Variants in CHD6 observed in about 807,000 individuals in gnomAD.
The protein encoded by CHD6 is chromodomain helicase DNA binding protein 6.
CHD6 carries 50 observed loss-of-function variants against 276.9 expected under a neutral mutation model. The observed-to-expected ratio is 0.18, with a 90% CI of 0.14 to 0.23. CHD6 has a LOEUF of 0.23. CHD6 is among the 10% of genes least tolerant of loss of function. CHD6 has a pLI of 1.00. For missense variants in CHD6, 2,564 were observed against 3,365.8 expected, an observed-to-expected ratio of 0.76 and a Z score of 5.89; for synonymous variants, 1,173 against 1,229.3, an observed-to-expected ratio of 0.95 and a Z score of 0.96.
intron 8 of CHD6, among the ~76,000 whole-genome samples, chr20:41,495,858 T>A (rs1294338815): frequency 1.3e-5 from 2 of 152,262 alleles, no homozygotes; most frequent in East Asian, 3.8e-4. Context: ...TGCTTTTTCC[T>A]ATGATACTGA....
chr20:41,586,476 C>G (rs1010331230), intron 1 of CHD6, among the ~76,000 whole-genome samples: 7 of 152,198 alleles, frequency 4.6e-5, no homozygotes, highest in African/African-American at 1.7e-4. Context: ...TCTAACAGAG[C>G]TATAGAACTC....
intron 2 of CHD6, among the ~76,000 whole-genome samples, chr20:41,537,746 G>A (rs184693751): frequency 3.6e-4 from 55 of 152,250 alleles, no homozygotes; most frequent in Non-Finnish European, 2.9e-4. Context: ...TTTTGGCAAG[G>A]ATACAGAGGA....
chr20:41,514,435 AT>A (rs1453207358), intron 4 of CHD6, among the ~76,000 whole-genome samples: 2 of 152,134 alleles, frequency 1.3e-5, no homozygotes, highest in African/African-American at 4.8e-5. Context: ...AGCATCTGGG[AT>A]TATGAAAATA....
chr20:41,422,021 A>C lies in CHD6; in HGVS notation c.4614T>G (p.Thr1538=), dbSNP rs944945843. The C allele has an allele frequency of 2.5e-6, 4 of 1,614,052 alleles. No homozygotes were observed. The African/African-American group carries it at 5.3e-5, about 22-fold the overall frequency. Residue 1538 remains threonine (T), a synonymous_variant, in exon 31 of 37, where the codon ACT becomes ACG. Transcript: ENST00000373233. The part of the protein sequence containing the change: ...EPITEERAAR[T]LYRIELLRKV... Reference sequence around the variant, plus strand: ...TCCGTAACAGTTCAATGCGGTACAGAGTTCTTGCAGCACGTTCCTCAGTGA... The same window carrying C: ...TCCGTAACAGTTCAATGCGGTACAGCGTTCTTGCAGCACGTTCCTCAGTGA...
intron 1 of CHD6, among the ~76,000 whole-genome samples, chr20:41,595,298 G>C (rs549664730): frequency 1.3e-5 from 2 of 152,308 alleles, no homozygotes; most frequent in South Asian, 4.1e-4. Flanking sequence ...GAAAGTGTGT[G>C]AATGAGATGC....
chr20:41,602,042 T>G lies in CHD6; in HGVS notation c.-24+16298A>C, dbSNP rs186389004. ...AACAAAGCAAAGCTACACTGCATTC[T>G]TTAGTCCCTCTCCTCTTCCACTTTC... On this transcript the variant is annotated intron_variant, in intron 1 of 36. Coordinates refer to ENST00000373233, the MANE Select transcript of CHD6 (RefSeq NM_032221.5). 4.0e-4 allele frequency among the ~76,000 whole-genome samples: 61 copies of G among 152,338 alleles called. No individual in the cohort carries two copies. The East Asian group carries it at 0.012, about 29-fold the overall frequency.
intron 16 of CHD6, among the ~76,000 whole-genome samples, chr20:41,476,905 C>A (rs571193050): frequency 6.6e-6 from 1 of 151,834 alleles, no homozygotes; most frequent in Non-Finnish European, 1.5e-5. Context: ...TATACATACA[C>A]ACACATTTTT....
intron 3 of CHD6, among the ~76,000 whole-genome samples, chr20:41,520,759 A>C (rs1193110735): frequency 6.6e-6 from 1 of 152,088 alleles, no homozygotes; most frequent in East Asian, 1.9e-4. Flanking sequence ...AACATGGCAC[A>C]TGTATACATA....
chr20:41,480,815 A>ATT (rs2043278096), intron 16 of CHD6, among the ~76,000 whole-genome samples: 2 of 152,318 alleles, frequency 1.3e-5, no homozygotes, highest in South Asian at 4.1e-4. Context: ...ATTAAGTGTA[A>ATT]TAGAATGATA....
intron 5 of CHD6, among the ~76,000 whole-genome samples, chr20:41,504,684 T>C (rs73611289): frequency 0.022 from 3,278 of 152,312 alleles, 45 homozygotes; most frequent in South Asian, 0.041. Context: ...GTGCTGGCAT[T>C]ATAGGCACGA....
intron 5 of CHD6, among the ~76,000 whole-genome samples, chr20:41,509,932 C>T (rs947461994): frequency 2.0e-5 from 3 of 152,134 alleles, no homozygotes; most frequent in East Asian, 3.9e-4. Flanking sequence ...AAGATGTTTT[C>T]GCAACTCACC....
intron 1 of CHD6, among the ~76,000 whole-genome samples, chr20:41,597,537 ACCCACCTGGGAAGGACCCCTTATCTAGTG>A (rs2045730313): frequency 6.6e-6 from 1 of 151,998 alleles, no homozygotes; most frequent in African/African-American, 2.4e-5. Flanking sequence ...GAAAGCTCGA[ACCCACCTGGGAAGGACCCCTTATCTAGTG>A]CTCCTAACGA....
In CHD6 at chr20:41,533,322, C is replaced by T. The variant is rs748200011; in HGVS notation, c.282G>A (p.Lys94=). 1.9e-6 allele frequency: 3 copies of T among 1,613,998 alleles called. No individual in the cohort carries two copies. The highest frequency in any genetic ancestry group is 1.1e-5 in the South Asian group (1 of 91,072). ...DSGGGGTGVK[K]KRKKKEPGDQ... The stretch of plus-strand genomic sequence containing the variant: ...CTCCTGGCTCCTTTTTCTTCCGTTT[C>T]TTCTTCACTCCAGTACCTCCTCCTC... Residue 94 remains lysine, a synonymous_variant, in exon 3 of 37, where the codon AAG becomes AAA. Transcript: ENST00000373233.
chr20:41,412,220 T>C lies in CHD6; in HGVS notation c.7175A>G (p.Glu2392Gly). Residue 2392 changes from glutamate to glycine, a missense_variant, in exon 36 of 37, where the codon GAA becomes GGA. Coordinates refer to ENST00000373233, the MANE Select transcript of CHD6 (RefSeq NM_032221.5). Reference protein sequence around the residue: ...KPKQRRPRCKEPGKLDVSSLS... With the variant: ...KPKQRRPRCKGPGKLDVSSLS... ...GGAGCTGACATCTAATTTTCCAGGT[T>C]CTTTACAGCGTGGCCTCCTCTGCTT... 1 of 1,614,218 alleles carries C rather than the reference T, an allele frequency of 6.2e-7. No individual in the cohort carries two copies. Among genetic ancestry groups the C allele is most frequent in the Non-Finnish European group, 8.5e-7 (1 of 1,180,020 alleles).
At chr20:41,488,719 A>C in intron 12 of CHD6, 115 bp from the exon 13 acceptor site, 1 of 839,444 alleles carries the variant, frequency 1.2e-6, no homozygotes, top group Non-Finnish European at 1.8e-6. Flanking sequence ...TGAGAAGACA[A>C]GCACTGCTTT....
rs76366177 is a variant in CHD6 at position 41,461,006 on chromosome 20, T to C, written c.2665-3578A>G. On this transcript the variant is annotated intron_variant, in intron 17 of 36. Transcript: ENST00000373233. ...GACTACCTCTTGCATCAGCATGACC[T>C]GAATGAGAGACCTGAAGTCAAAGGA... Among the ~76,000 whole-genome samples the C allele has an allele frequency of 4.8e-3, 726 of 152,336 alleles. 6 individuals are homozygous for C. The highest frequency in any genetic ancestry group is 0.017 in the African/African-American group (702 of 41,568).
At position 41,415,587 on chromosome 20, in the gene CHD6, G is replaced by A; in HGVS notation, c.6538C>T (p.Pro2180Ser). Residue 2180 changes from proline to serine, a missense_variant, in exon 34 of 37, where the codon CCC becomes TCC. Pro to Ser is a moderately conservative substitution (Grantham distance 74). Transcript: ENST00000373233. ...TCCCTCTCCACCTCAAACTCATAGG[G>A]ACGCCTGTGCTTTTGTTCATCCTTT... is the stretch of plus-strand genomic sequence containing the variant. Reference protein sequence around the residue: ...FTKDEQKHRRPYEFEVERDAK... With the variant: ...FTKDEQKHRRSYEFEVERDAK... The A allele has an allele frequency of 6.2e-7, 1 of 1,612,284 alleles. No individual in the cohort carries two copies. Among genetic ancestry groups the A allele is most frequent in the African/African-American group, 1.3e-5 (1 of 75,000 alleles).
chr20:41,463,497 A>G (rs1053214367), intron 17 of CHD6, among the ~76,000 whole-genome samples: 1 of 152,214 alleles, frequency 6.6e-6, no homozygotes, highest in Non-Finnish European at 1.5e-5. Context: ...TCATCAGACA[A>G]ATGGACACCA....
At chr20:41,596,917 A>G (rs921824109) in intron 1 of CHD6, among the ~76,000 whole-genome samples, 1 of 152,170 alleles carries the variant, frequency 6.6e-6, no homozygotes, top group South Asian at 2.1e-4. Flanking sequence ...AGTATATGTA[A>G]GAAGGGATAA....
Sources: gnomAD v4.1 joint callset for allele counts (sites outside exome capture counted in the v4.1 genomes callset) on GRCh38, gnomAD v4.1.1 for gene constraint, MANE v1.5 for transcripts, NCBI Gene and HGNC (gene_info 2026-07-23, HGNC 2026-07-21) for gene names.